The following GPR35 variants were observed in gnomAD, a reference collection of about 807,000 sequenced individuals.
The protein encoded by GPR35 is KYNA receptor.
For synonymous variants in GPR35, 207 were observed against 198.4 expected (o/e 1.04, Z -0.36); for missense variants, 372 against 422.5 (o/e 0.88, Z 1.05).
rs73116228 is a variant in GPR35 at position 240,632,257 on chromosome 2, A to G, written c.*1375A>G. On this transcript the variant is annotated 3_prime_UTR_variant, in exon 2 of 2. Coordinates refer to ENST00000407714, the MANE Select transcript of GPR35 (RefSeq NM_005301.5). ...TCCATGCTCAGGAGGGTTCATGCCC[A>G]GGAGAGTTTATGCCCTGGAGGGCCC... is the stretch of plus-strand genomic sequence containing the variant. 1.4e-3 allele frequency among the ~76,000 whole-genome samples: 216 copies of G among 151,740 alleles called. 1 individual carries two copies. Among genetic ancestry groups the G allele is most frequent in the African/African-American group, 4.9e-3 (203 of 41,320 alleles).
At chr2:240,621,505 G>A (rs370617122), upstream of GPR35, among the ~76,000 whole-genome samples, 687 of 152,222 alleles carry the variant, frequency 4.5e-3, 5 homozygotes, top group African/African-American at 0.015. Context: ...CCCCTGCCTC[G>A]GCCTCTCAAA....
chr2:240,616,217 T>C (rs190069125), intron 2 of GPR35, among the ~76,000 whole-genome samples: 101 of 152,290 alleles, frequency 6.6e-4, no homozygotes, highest in African/African-American at 2.1e-3. Context: ...TTGCCTGCAC[T>C]ATTGCAGTCG....
At chr2:240,615,171 T>C (rs964815503) in intron 2 of GPR35, among the ~76,000 whole-genome samples, 19 of 152,122 alleles carry the variant, frequency 1.2e-4, no homozygotes, top group Non-Finnish European at 2.1e-4. Context: ...GAAGCTGTAT[T>C]GCACCACCAC....
At chr2:240,609,561 G>A (rs1421465593) in intron 2 of GPR35, among the ~76,000 whole-genome samples, 1 of 152,164 alleles carries the variant, frequency 6.6e-6, no homozygotes, top group Non-Finnish European at 1.5e-5. Flanking sequence ...ATTAAGCTCT[G>A]TTGTAGTTAG....
chr2:240,611,625 T>C (rs906678154), intron 2 of GPR35, among the ~76,000 whole-genome samples: 1 of 152,160 alleles, frequency 6.6e-6, no homozygotes, highest in South Asian at 2.1e-4. Flanking sequence ...AACCACTCTC[T>C]GAGATGGAGA....
rs1040794497 is a variant in GPR35 at position 240,632,290 on chromosome 2, G to A, written c.*1408G>A. On this transcript the variant is annotated 3_prime_UTR_variant, in exon 2 of 2. Coordinates refer to ENST00000407714, the MANE Select transcript of GPR35 (RefSeq NM_005301.5). The stretch of plus-strand genomic sequence containing the variant: ...TTATGCCCTGGAGGGCCCCATGCCC[G>A]GGAGAGTCACGTGCACAGAGGGCCC... Among the ~76,000 whole-genome samples the A allele has an allele frequency of 1.4e-4, 21 of 149,828 alleles. No homozygotes were observed. The highest frequency in any genetic ancestry group is 4.1e-4 in the East Asian group (2 of 4,932).
At chr2:240,612,954 C>G (rs1437209954) in intron 2 of GPR35, among the ~76,000 whole-genome samples, 1 of 152,072 alleles carries the variant, frequency 6.6e-6, no homozygotes, top group Non-Finnish European at 1.5e-5. Context: ...CGGACATAAC[C>G]CAGCCTCAGC....
rs886076533 is a variant in GPR35, at chr2:240,612,300, G to A, written c.-576-4088G>A. Among the ~76,000 whole-genome samples the A allele has an allele frequency of 5.3e-4, 81 of 151,740 alleles. 1 individual carries two copies. The highest frequency in any genetic ancestry group is 4.7e-3 in the Admixed American group (71 of 15,236). ...AAATTAGCCGGGTGTGGTGGCGGGC[G>A]CCTGTAGTCTCAGCTACTCGGGAGG... is the stretch of plus-strand genomic sequence containing the variant. On this transcript the variant is annotated intron_variant, in intron 2 of 5. Transcript: ENST00000319838.
upstream of GPR35, among the ~76,000 whole-genome samples, chr2:240,623,765 T>A (rs2043336064): frequency 6.6e-6 from 1 of 152,132 alleles, no homozygotes; most frequent in Middle Eastern, 3.2e-3. Flanking sequence ...CAAGGGGCCC[T>A]TCCCAGAGAC....
rs2043442579 is a variant in GPR35 at position 240,631,034 on chromosome 2, G to A, written c.*152G>A. The A allele has an allele frequency of 4.6e-6, 3 of 657,978 alleles. No individual in the cohort carries two copies. The highest frequency in any genetic ancestry group is 2.9e-5 in the Admixed American group (1 of 34,852). 40.8% of individuals were successfully genotyped at this position (657,978 alleles called of 1,614,324 possible). The stretch of plus-strand genomic sequence containing the variant: ...GCCTTGGGTGGGCAGGGACGGCCCA[G>A]GTACCTGCTCTCTTGGGAAGAGAGA... On this transcript the variant is annotated 3_prime_UTR_variant, in exon 2 of 2. Coordinates refer to ENST00000407714, the MANE Select transcript of GPR35 (RefSeq NM_005301.5).
At chr2:240,625,395 C>T (rs991286423), upstream of GPR35, 5 of 985,404 alleles carry the variant, frequency 5.1e-6, no homozygotes, top group African/African-American at 8.7e-5. Flanking sequence ...CCCTGACCTG[C>T]TGCCGTCAGT....
At chr2:240,607,849 C>A (rs915577262) in intron 2 of GPR35, among the ~76,000 whole-genome samples, 1 of 151,564 alleles carries the variant, frequency 6.6e-6, no homozygotes, top group Non-Finnish European at 1.5e-5. Flanking sequence ...TTCTCTTCCT[C>A]CTCCTCCTCC....
chr2:240,611,963 C>T (rs1575460338), intron 2 of GPR35, among the ~76,000 whole-genome samples: 1 of 152,100 alleles, frequency 6.6e-6, no homozygotes, highest in African/African-American at 2.4e-5. Context: ...AAGGAGAGGC[C>T]AGCGAAGGAG....
At chr2:240,623,233 C>T (rs1180827425), upstream of GPR35, among the ~76,000 whole-genome samples, 5 of 152,190 alleles carry the variant, frequency 3.3e-5, no homozygotes, top group Admixed American at 6.5e-5. Flanking sequence ...AAGCCCAGTG[C>T]GCAGAAAGGG....
At chr2:240,613,972 C>A (rs1236408145) in intron 2 of GPR35, among the ~76,000 whole-genome samples, 1 of 151,740 alleles carries the variant, frequency 6.6e-6, no homozygotes, top group African/African-American at 2.4e-5. Context: ...CAAACCTTAA[C>A]CCTAACCATA....
rs373167653 is a variant in GPR35, at chr2:240,630,276, G to A, written c.324G>A (p.Thr108=). 40 of 1,565,100 alleles carry A rather than the reference G, an allele frequency of 2.6e-5. No individual in the cohort carries two copies. The highest frequency in any genetic ancestry group is 3.4e-5 in the Non-Finnish European group (39 of 1,159,672). ...TNRYMSISLV[T]AIAVDRYVAV... ...GGTACATGAGCATCAGCCTGGTCAC[G>A]GCCATCGCCGTGGACCGCTATGTGG... Residue 108 remains threonine, a synonymous_variant, in exon 2 of 2, where the codon ACG becomes ACA. Coordinates refer to ENST00000407714, the MANE Select transcript of GPR35 (RefSeq NM_005301.5).
intron 2 of GPR35, among the ~76,000 whole-genome samples, chr2:240,609,941 A>G (rs976673155): frequency 1.5e-4 from 23 of 149,214 alleles, no homozygotes; most frequent in African/African-American, 5.4e-4. Context: ...TGATGAATTG[A>G]CCCTTTTTTC....
chr2:240,606,426 G>T (rs1177381173), exon 2 of GPR35: 1 of 152,336 alleles, frequency 6.6e-6, no homozygotes, highest in African/African-American at 2.4e-5. Flanking sequence ...GCCCTCTGAG[G>T]ACATCAAAAG....
rs531542150 is a variant in GPR35, at chr2:240,616,836, G to C, written c.-452-254G>C. 34 of 698,896 alleles carry C rather than the reference G, an allele frequency of 4.9e-5. No individual in the cohort carries two copies. In the African/African-American group the frequency reaches 5.8e-4, roughly 12 times the overall value. The allele number at this position is 698,896 out of a possible 1,614,324, so 43.3% of individuals were successfully genotyped here. A position where few individuals can be genotyped will look rare whatever the true frequency, so the allele number is the denominator to read the frequency against. On this transcript the variant is annotated intron_variant, in intron 3 of 5. Transcript: ENST00000319838. ...CTGTCTTGGATGCATACTCTCTCTC[G>C]CTGGCTCTGGGGTAGCCAGATGCCA...
Sources: gnomAD v4.1 joint callset for allele counts (sites outside exome capture counted in the v4.1 genomes callset) on GRCh38, gnomAD v4.1.1 for gene constraint, MANE v1.5 for transcripts, NCBI Gene and HGNC (gene_info 2026-07-23, HGNC 2026-07-21) for gene names.